Variants in PDZD8 observed in about 807,000 individuals in gnomAD.
PDZD8 encodes PDZ domain-containing protein 8.
In PDZD8, 14 loss-of-function variants were observed where a neutral mutation model predicts 85.8. The observed-to-expected ratio is 0.16, with a 90% CI of 0.11 to 0.26. The LOEUF (loss-of-function observed/expected upper bound fraction) is 0.26. Among genes scored for constraint, PDZD8 ranks in the 10% least tolerant of loss-of-function variants. The probability of loss-of-function intolerance (pLI) is 1.00; values close to 1 mark genes in which losing one functional copy is unlikely to be tolerated. For synonymous variants in PDZD8, 592 were observed against 568.6 expected (o/e 1.04, Z -0.59); for missense variants, 1,197 against 1,424.3 (o/e 0.84, Z 2.57).
chr10:117,369,795 T>A (rs543152864), intron 1 of PDZD8, among the ~76,000 whole-genome samples: 20 of 152,316 alleles, frequency 1.3e-4, no homozygotes, highest in African/African-American at 4.3e-4. Flanking sequence ...GCACTGGCGC[T>A]ACAAGATATT....
chr10:117,349,672 G>A (rs995381072), intron 1 of PDZD8, among the ~76,000 whole-genome samples: 2 of 152,058 alleles, frequency 1.3e-5, no homozygotes, highest in African/African-American at 2.4e-5. Flanking sequence ...GCATGGTGGT[G>A]CGCTCCTGTA....
rs534144642 is a variant in PDZD8, at chr10:117,362,019, C to G, written c.872+12337G>C. ...GAATGGGGAGGGTCCTGGGACCAAT[C>G]CCCCTTGGATACTGAGGGATGATTA... On this transcript the variant is annotated intron_variant, in intron 1 of 4. Coordinates refer to ENST00000334464, the MANE Select transcript of PDZD8 (RefSeq NM_173791.5). 3.9e-5 allele frequency among the ~76,000 whole-genome samples: 6 copies of G among 152,192 alleles called. No individual in the cohort carries two copies. In the East Asian group the frequency reaches 1.2e-3, roughly 29 times the overall value.
intron 3 of PDZD8, among the ~76,000 whole-genome samples, chr10:117,315,976 G>A (rs1844122231): frequency 6.6e-6 from 1 of 152,076 alleles, no homozygotes; most frequent in African/African-American, 2.4e-5. Context: ...CCGGAATACT[G>A]CAATGGACCC....
intron 3 of PDZD8, among the ~76,000 whole-genome samples, chr10:117,310,875 G>T (rs1844025431): frequency 6.6e-6 from 1 of 152,086 alleles, no homozygotes; most frequent in African/African-American, 2.4e-5. Context: ...ACACCAAAAT[G>T]CCAACTCTGA....
In PDZD8 at chr10:117,303,173, A is replaced by G. The variant is rs571572362; in HGVS notation, c.1099-12825T>C. ...GAAACTTGTCGAATGGCTTTGCCCA[A>G]AACACTGACAGCGACATGGACAATA... On this transcript the variant is annotated intron_variant, in intron 3 of 4. Transcript: ENST00000334464. 5.9e-5 allele frequency among the ~76,000 whole-genome samples: 9 copies of G among 152,338 alleles called. No individual in the cohort carries two copies. The South Asian group carries it at 1.9e-3, about 32-fold the overall frequency.
chr10:117,371,793 A>G (rs1411561324), intron 1 of PDZD8, among the ~76,000 whole-genome samples: 2 of 152,072 alleles, frequency 1.3e-5, no homozygotes, highest in Non-Finnish European at 2.9e-5. Context: ...TTTTTTTTTA[A>G]TTAGCCAGGA....
chr10:117,285,097 C>T lies in PDZD8; in HGVS notation c.1636G>A (p.Ala546Thr), dbSNP rs1844638274. Residue 546 changes from alanine (A) to threonine (T), a missense_variant, in exon 5 of 5, where the codon GCT becomes ACT. This residue lies in a region of PDZD8 where 263 missense variants were observed against 261.9 expected (regional missense o/e 1.00). Coordinates refer to ENST00000334464, the MANE Select transcript of PDZD8 (RefSeq NM_173791.5). The stretch of plus-strand genomic sequence containing the variant: ...GGTGGTAGTGGGTGACTTCCTACAG[C>T]TAATTTACGGTTTAAAACTGGTGAT... ...AISPVLNRKL[A>T]VGSHPLPPKI... The T allele has an allele frequency of 6.2e-7, 1 of 1,614,054 alleles. No homozygotes were observed.
chr10:117,308,260 AAAC>A (rs573190248), intron 3 of PDZD8, among the ~76,000 whole-genome samples: 17 of 152,168 alleles, frequency 1.1e-4, no homozygotes, highest in South Asian at 6.2e-4. Flanking sequence ...ACACAATCTT[AAAC>A]AACAACAACA....
intron 3 of PDZD8, among the ~76,000 whole-genome samples, chr10:117,295,241 A>G (rs1843735331): frequency 6.6e-6 from 1 of 152,140 alleles, no homozygotes; most frequent in African/African-American, 2.4e-5. Flanking sequence ...AATTCCTCCT[A>G]TTCTTATAAG....
At chr10:117,341,718 C>T (rs2794417) in intron 1 of PDZD8, among the ~76,000 whole-genome samples, 150,762 of 152,340 alleles carry the variant, frequency 0.99, 74,617 homozygotes, top group Middle Eastern at 1. Flanking sequence ...ACATGTTCAG[C>T]GCAGATTAAA....
intron 2 of PDZD8, among the ~76,000 whole-genome samples, chr10:117,329,419 G>C (rs927980302): frequency 2.6e-5 from 4 of 152,108 alleles, no homozygotes; most frequent in Non-Finnish European, 5.9e-5. Flanking sequence ...ACACCACCTA[G>C]AAACATGTTA....
At chr10:117,348,591 A>C (rs567812671) in intron 1 of PDZD8, among the ~76,000 whole-genome samples, 1 of 152,194 alleles carries the variant, frequency 6.6e-6, no homozygotes, top group East Asian at 1.9e-4. Flanking sequence ...CTGCCTTCTC[A>C]CTGTGTCCTC....
chr10:117,367,698 C>A (rs1845114136), intron 1 of PDZD8, among the ~76,000 whole-genome samples: 1 of 152,132 alleles, frequency 6.6e-6, no homozygotes, highest in Non-Finnish European at 1.5e-5. Context: ...CTTTGGGAGG[C>A]CGAGGCAGAC....
chr10:117,308,482 TA>T (rs1349920489), intron 3 of PDZD8, among the ~76,000 whole-genome samples: 2 of 152,234 alleles, frequency 1.3e-5, no homozygotes, highest in Non-Finnish European at 2.9e-5. Context: ...AGTTAAATAA[TA>T]ATAGATATTA....
intron 1 of PDZD8, among the ~76,000 whole-genome samples, chr10:117,350,834 G>A (rs1844793639): frequency 6.6e-6 from 1 of 150,892 alleles, no homozygotes; most frequent in African/African-American, 2.4e-5. Flanking sequence ...AACCTGGGAG[G>A]CAGAGCTTGC....
chr10:117,341,335 A>C (rs1359334452), intron 1 of PDZD8, among the ~76,000 whole-genome samples: 1 of 152,200 alleles, frequency 6.6e-6, no homozygotes, highest in Non-Finnish European at 1.5e-5. Flanking sequence ...GCAAGAGAGA[A>C]CAAAGAAAAG....
chr10:117,352,156 T>C (rs1015622173), intron 1 of PDZD8, among the ~76,000 whole-genome samples: 4 of 152,218 alleles, frequency 2.6e-5, no homozygotes, highest in African/African-American at 9.6e-5. Context: ...GCATGCTGAA[T>C]ACCAGCTGGT....
chr10:117,367,404 G>A (rs1332972360), intron 1 of PDZD8, among the ~76,000 whole-genome samples: 5 of 131,724 alleles, frequency 3.8e-5, no homozygotes, highest in Admixed American at 7.9e-5. Flanking sequence ...GTGAGACTCC[G>A]TCTCAAAACA....
At chr10:117,362,102 T>C (rs1160469249) in intron 1 of PDZD8, among the ~76,000 whole-genome samples, 1 of 152,152 alleles carries the variant, frequency 6.6e-6, no homozygotes, top group Non-Finnish European at 1.5e-5. Context: ...CAAATAAAAG[T>C]AAAACATCTT....
Sources: gnomAD v4.1 joint callset for allele counts (sites outside exome capture counted in the v4.1 genomes callset) on GRCh38, gnomAD v4.1.1 for gene constraint, gnomAD v4.1.1 regional missense constraint, MANE v1.5 for transcripts, NCBI Gene and HGNC (gene_info 2026-07-23, HGNC 2026-07-21) for gene names.